SLC5A8: variants seen among roughly 807,000 people sequenced by gnomAD.
SLC5A8 encodes sodium-coupled monocarboxylate transporter 1.
Under a neutral mutation model 71.9 loss-of-function variants are expected in SLC5A8, and 55 were observed. The ratio of observed to expected loss-of-function variants is 0.77; its 90% CI spans 0.62 to 0.96. The LOEUF (loss-of-function observed/expected upper bound fraction) is 0.96, where lower values mean the gene tolerates loss of function less well. Among genes scored for constraint, SLC5A8 ranks in the 40% least tolerant of loss-of-function variants. The probability of loss-of-function intolerance (pLI) is 0.00; values close to 1 mark genes in which losing one functional copy is unlikely to be tolerated. For missense variants in SLC5A8, 701 were observed against 745.3 expected, an observed-to-expected ratio of 0.94 and a Z score of 0.69; for synonymous variants, 307 against 276.1, an observed-to-expected ratio of 1.11 and a Z score of -1.11.
intron 13 of SLC5A8, among the ~76,000 whole-genome samples, chr12:101,160,089 G>C (rs1383289293): frequency 6.6e-6 from 1 of 152,174 alleles, no homozygotes; most frequent in Non-Finnish European, 1.5e-5. Context: ...AGCTGAGGCA[G>C]AAGAATCCCT....
At chr12:101,184,358 AAAATT>A (rs1868516836) in intron 7 of SLC5A8, 136 bp from the exon 8 acceptor site, 1 of 695,756 alleles carries the variant, frequency 1.4e-6, no homozygotes, top group Admixed American at 2.7e-5. Flanking sequence ...TCAAATACCT[AAAATT>A]AAACTGTTTA....
At chr12:101,169,874 C>T (rs1238870691) in intron 10 of SLC5A8, among the ~76,000 whole-genome samples, 1 of 152,142 alleles carries the variant, frequency 6.6e-6, no homozygotes, top group East Asian at 1.9e-4. Context: ...TTCAGTAAAA[C>T]AGACACTAAA....
chr12:101,171,098 C>A (rs1439945190), intron 10 of SLC5A8, among the ~76,000 whole-genome samples: 1 of 152,110 alleles, frequency 6.6e-6, no homozygotes. Flanking sequence ...CATCTAGAGA[C>A]CTTTCTCAGA....
chr12:101,167,938 A>G (rs1331961764), intron 11 of SLC5A8, among the ~76,000 whole-genome samples, 158 bp downstream of exon 11: 1 of 152,220 alleles, frequency 6.6e-6, no homozygotes, highest in Non-Finnish European at 1.5e-5. Flanking sequence ...CATACATAGT[A>G]CTTCCTTGTA....
intron 13 of SLC5A8, 121 bp from the exon 14 acceptor site, chr12:101,158,449 A>G: frequency 1.5e-6 from 1 of 651,736 alleles, no homozygotes. Context: ...CAAAAAACAC[A>G]AAGAGAAAGG....
chr12:101,187,586 A>C, intron 6 of SLC5A8, 71 bp from the exon 7 acceptor site: 1 of 1,502,294 alleles, frequency 6.7e-7, no homozygotes, highest in Non-Finnish European at 9.0e-7. Flanking sequence ...AACCTGTTAC[A>C]TGATCAAAAG....
At chr12:101,184,421 G>C (rs1219596991) in intron 7 of SLC5A8, among the ~76,000 whole-genome samples, 199 bp from the exon 8 acceptor site, 1 of 152,182 alleles carries the variant, frequency 6.6e-6, no homozygotes, top group African/African-American at 2.4e-5. Context: ...AAGTAAAGAG[G>C]CTTTGGATTC....
intron 7 of SLC5A8, among the ~76,000 whole-genome samples, chr12:101,186,358 C>T (rs530079243): frequency 5.3e-5 from 8 of 152,190 alleles, no homozygotes; most frequent in South Asian, 2.1e-4. Flanking sequence ...TTTATTTTCT[C>T]GGCCCACCAA....
At position 101,157,325 on chromosome 12, in the gene SLC5A8, T is replaced by A. The variant is rs1439333879; in HGVS notation, c.1787A>T (p.Glu596Val). Residue 596 changes from glutamate (E) to valine (V), a missense_variant, in exon 15 of 15, where the codon GAA becomes GTA. Physicochemically the swap from Glu to Val is moderately radical, Grantham distance 121. Transcript: ENST00000536262. ...GTDNPAFNHIELNSDQSGKSN... is the reference protein window; with the variant it reads ...GTDNPAFNHIVLNSDQSGKSN... ...CTTGCCACTCTGATCTGAGTTCAATTCAATGTGGTTGAAAGCAGGATTATC... is the reference window on the plus strand; with the variant it reads ...CTTGCCACTCTGATCTGAGTTCAATACAATGTGGTTGAAAGCAGGATTATC... 3 of 1,613,440 alleles carry A rather than the reference T, an allele frequency of 1.9e-6. No individual in the cohort carries two copies. Among genetic ancestry groups the A allele is most frequent in the Non-Finnish European group, 8.5e-7 (1 of 1,179,782 alleles).
In SLC5A8 at chr12:101,188,712, G is replaced by A. The variant is rs148858808; in HGVS notation, c.834-1197C>T. On this transcript the variant is annotated intron_variant, in intron 6 of 14. Coordinates refer to ENST00000536262, the MANE Select transcript of SLC5A8 (RefSeq NM_145913.5). ...AACCTCAACCTCAGAGTCTGCTTCC[G>A]GAAGAATCAAAGGTGGGTTTATCAG... Among the ~76,000 whole-genome samples, 36 of 152,092 alleles carry A rather than the reference G, an allele frequency of 2.4e-4. No homozygotes were observed. The East Asian group carries it at 2.5e-3, about 11-fold the overall frequency.
chr12:101,187,002 A>G lies in SLC5A8; in HGVS notation c.963+384T>C, dbSNP rs1868671623. ...TCCATCATTTAAAAAATTGGAAGAT[A>G]AATTGCTTATAAATGAATGCTCTAA... On this transcript the variant is annotated intron_variant, in intron 7 of 14. Transcript: ENST00000536262. 2.6e-5 allele frequency among the ~76,000 whole-genome samples: 4 copies of G among 152,194 alleles called. No homozygotes were observed. In the South Asian group the frequency reaches 8.3e-4, roughly 32 times the overall value.
chr12:101,205,153 T>C (rs1869625201), intron 1 of SLC5A8, among the ~76,000 whole-genome samples: 1 of 152,160 alleles, frequency 6.6e-6, no homozygotes, highest in Non-Finnish European at 1.5e-5. Flanking sequence ...CCATTGGGTA[T>C]TTGAATCTTA....
chr12:101,158,584 CTCTCTCTCTCTCTCTATATA>C (rs1390218391), intron 13 of SLC5A8, among the ~76,000 whole-genome samples: 107 of 46,790 alleles, frequency 2.3e-3, no homozygotes, highest in Non-Finnish European at 2.7e-3. Flanking sequence ...CTCTCTCTCT[CTCTCTCTCTCTCTCTATATA>C]TATATATATA....
chr12:101,158,459 G>A (rs921786454), intron 13 of SLC5A8, 131 bp from the exon 14 acceptor site: 52 of 520,850 alleles, frequency 1.0e-4, no homozygotes, highest in Admixed American at 2.5e-4. Flanking sequence ...AAAGAGAAAG[G>A]GAAACTTAAA....
At chr12:101,203,013 C>A (rs1019958420) in intron 2 of SLC5A8, among the ~76,000 whole-genome samples, 6 of 152,164 alleles carry the variant, frequency 3.9e-5, no homozygotes, top group Non-Finnish European at 5.9e-5. Flanking sequence ...AAGCTCCCCT[C>A]TTTTTGCAAA....
chr12:101,174,435 T>TTCATCC (rs1429221216), intron 10 of SLC5A8, among the ~76,000 whole-genome samples: 2 of 152,198 alleles, frequency 1.3e-5, no homozygotes, highest in African/African-American at 4.8e-5. Context: ...CCAGAGAGTC[T>TTCATCC]TCATCCAGAG....
In SLC5A8 at chr12:101,193,685, T is replaced by A. The variant is rs750211911; in HGVS notation, c.632A>T (p.Gln211Leu). The A allele has an allele frequency of 1.2e-6, 2 of 1,614,192 alleles. No individual in the cohort carries two copies. Among genetic ancestry groups the A allele is most frequent in the East Asian group, 4.5e-5 (2 of 44,876 alleles). The stretch of plus-strand genomic sequence containing the variant: ...ATTTAAAATAGTGCTGATTCCACCT[T>A]GCATCACCACAGCCTGTATAATCAC... The part of the protein sequence containing the change: ...ASVIIQAVVM[Q>L]GGISTILNDA... Residue 211 changes from glutamine to leucine, a missense_variant, in exon 5 of 15, where the codon CAA (glutamine) becomes CTA (leucine). By Grantham distance (113) the Gln-to-Leu change is moderately radical. Coordinates refer to ENST00000536262, the MANE Select transcript of SLC5A8 (RefSeq NM_145913.5).
At chr12:101,204,384 AT>A in intron 2 of SLC5A8, 115 bp downstream of exon 2, 3 of 883,166 alleles carry the variant, frequency 3.4e-6, no homozygotes, top group East Asian at 5.2e-5. Flanking sequence ...TTGTTCCCTC[AT>A]TTTTTCAACA....
chr12:101,165,431 A>G (rs1285385760), intron 12 of SLC5A8, among the ~76,000 whole-genome samples: 2 of 151,748 alleles, frequency 1.3e-5, no homozygotes, highest in Admixed American at 6.6e-5. Flanking sequence ...GACTCTGATG[A>G]CTCTCCCAGT....
Sources: allele counts gnomAD v4.1 joint callset (sites outside exome capture counted in the v4.1 genomes callset), GRCh38; gene constraint gnomAD v4.1.1; transcripts MANE v1.5; gene names NCBI Gene and HGNC (gene_info 2026-07-23, HGNC 2026-07-21).